Variants in SEMA3E observed in about 807,000 individuals in gnomAD.
The protein encoded by SEMA3E is semaphorin-3E.
Under a neutral mutation model 93.6 loss-of-function variants are expected in SEMA3E, and 49 were observed. The observed-to-expected ratio is 0.52, with a 90% CI of 0.42 to 0.66. The LOEUF (loss-of-function observed/expected upper bound fraction) is 0.66, where lower values mean the gene tolerates loss of function less well. Among genes scored for constraint, SEMA3E ranks in the 30% least tolerant of loss-of-function variants. The probability of loss-of-function intolerance (pLI) is 0.00; values close to 1 mark genes in which losing one functional copy is unlikely to be tolerated. For synonymous variants in SEMA3E, 363 were observed against 330.7 expected, an observed-to-expected ratio of 1.10 and a Z score of -1.06; for missense variants, 906 against 964.8, an observed-to-expected ratio of 0.94 and a Z score of 0.81.
At chr7:83,633,094 A>T (rs1011959070) in intron 1 of SEMA3E, among the ~76,000 whole-genome samples, 4 of 152,114 alleles carry the variant, frequency 2.6e-5, no homozygotes, top group Non-Finnish European at 4.4e-5. Context: ...TGCTAAATCC[A>T]TAGGTTGATT....
intron 1 of SEMA3E, among the ~76,000 whole-genome samples, chr7:83,561,641 T>G (rs551463586): frequency 6.6e-6 from 1 of 152,236 alleles, no homozygotes; most frequent in Non-Finnish European, 1.5e-5. Flanking sequence ...AACCAGCTGA[T>G]AGCATTTTCA....
At chr7:83,560,590 A>G (rs1261328636) in intron 1 of SEMA3E, among the ~76,000 whole-genome samples, 1 of 151,996 alleles carries the variant, frequency 6.6e-6, no homozygotes, top group Non-Finnish European at 1.5e-5. Context: ...CTTATTTCCT[A>G]TGCATGTGTG....
Position 83,648,840 on chromosome 7 carries a change from G to T in SEMA3E, c.-298C>A. 1 of 252,286 alleles carries T rather than the reference G, an allele frequency of 4.0e-6. No homozygotes were observed. Among genetic ancestry groups the T allele is most frequent in the Admixed American group, 5.3e-5 (1 of 18,946 alleles). 15.6% of individuals were successfully genotyped at this position (252,286 alleles called of 1,614,324 possible). A position where few individuals can be genotyped will look rare whatever the true frequency, so the allele number is the denominator to read the frequency against. On this transcript the variant is annotated 5_prime_UTR_variant, in exon 1 of 17. Transcript: ENST00000643230. Reference sequence around the variant, plus strand: ...GCAACTACGCCGGTAGATTCAGGAAGAAGCTGTATTTTTCAGTCACTTGGG... The same window carrying T: ...GCAACTACGCCGGTAGATTCAGGAATAAGCTGTATTTTTCAGTCACTTGGG...
chr7:83,439,820 T>C (rs1048215987), intron 4 of SEMA3E, among the ~76,000 whole-genome samples: 2 of 152,232 alleles, frequency 1.3e-5, no homozygotes, highest in Non-Finnish European at 2.9e-5. Flanking sequence ...TTTTCTTGCA[T>C]GATATTATGG....
Position 83,366,215 on chromosome 7 carries a change from C to T in SEMA3E, c.*1371G>A, listed in dbSNP as rs1442097530. 1 of 152,028 alleles carries T rather than the reference C, an allele frequency of 6.6e-6. No homozygotes were observed. The highest frequency in any genetic ancestry group is 2.4e-5 in the African/African-American group (1 of 41,430). 9.4% of individuals were successfully genotyped at this position (152,028 alleles called of 1,614,324 possible). A position where few individuals can be genotyped will look rare whatever the true frequency, so the allele number is the denominator to read the frequency against. On this transcript the variant is annotated 3_prime_UTR_variant, in exon 17 of 17. Coordinates refer to ENST00000643230, the MANE Select transcript of SEMA3E (RefSeq NM_012431.3). ...ATCTAAATAAATGTTCATAATGGTTCTCCTGTGTAATCCACTTGCTTTCAA... is the reference window on the plus strand; with the variant it reads ...ATCTAAATAAATGTTCATAATGGTTTTCCTGTGTAATCCACTTGCTTTCAA...
intron 1 of SEMA3E, among the ~76,000 whole-genome samples, chr7:83,507,355 G>T (rs758082408): frequency 6.6e-6 from 1 of 151,766 alleles, no homozygotes; most frequent in Non-Finnish European, 1.5e-5. Context: ...ACCCATTAAA[G>T]TGATGATATA....
chr7:83,375,011 G>T (rs547168835), intron 16 of SEMA3E, among the ~76,000 whole-genome samples: 1 of 152,004 alleles, frequency 6.6e-6, no homozygotes, highest in Non-Finnish European at 1.5e-5. Flanking sequence ...TGATTAATGC[G>T]GTTTGACAAC....
At chr7:83,383,005 C>A (rs950534051) in intron 16 of SEMA3E, among the ~76,000 whole-genome samples, 3 of 151,828 alleles carry the variant, frequency 2.0e-5, no homozygotes, top group African/African-American at 7.3e-5. Context: ...GAGTTTGAAT[C>A]TGAACAGGCA....
At chr7:83,619,900 T>C (rs201971841) in intron 1 of SEMA3E, among the ~76,000 whole-genome samples, 21 of 117,810 alleles carry the variant, frequency 1.8e-4, no homozygotes, top group East Asian at 5.0e-4. Flanking sequence ...GATAGATAGA[T>C]AGACAGATAG....
chr7:83,585,987 G>T (rs1267110799), intron 1 of SEMA3E, among the ~76,000 whole-genome samples: 1 of 152,096 alleles, frequency 6.6e-6, no homozygotes, highest in Non-Finnish European at 1.5e-5. Context: ...ATCAATAAAT[G>T]GTAACTTTGG....
At chr7:83,392,883 C>A (rs1414547069) in intron 13 of SEMA3E, among the ~76,000 whole-genome samples, 162 bp from the exon 14 acceptor site, 1 of 151,922 alleles carries the variant, frequency 6.6e-6, no homozygotes, top group African/African-American at 2.4e-5. Flanking sequence ...GCCTGCACAA[C>A]ATGGCAAAAC....
intron 1 of SEMA3E, among the ~76,000 whole-genome samples, chr7:83,606,204 T>C (rs1793114084): frequency 6.6e-6 from 1 of 152,220 alleles, no homozygotes; most frequent in African/African-American, 2.4e-5. Context: ...AGTCTTGGTT[T>C]ACAGAAGGAA....
intron 4 of SEMA3E, among the ~76,000 whole-genome samples, chr7:83,460,787 C>T (rs1484889301): frequency 1.3e-5 from 2 of 151,490 alleles, no homozygotes; most frequent in Non-Finnish European, 2.9e-5. Context: ...CGCCCCATCC[C>T]TTATTTCCGC....
At chr7:83,518,773 C>T (rs1005848805) in intron 1 of SEMA3E, among the ~76,000 whole-genome samples, 2 of 152,040 alleles carry the variant, frequency 1.3e-5, no homozygotes, top group African/African-American at 4.8e-5. Flanking sequence ...CAGAGTCTAG[C>T]TCACGCCTTC....
At chr7:83,643,920 G>A (rs1794046181) in intron 1 of SEMA3E, among the ~76,000 whole-genome samples, 1 of 151,920 alleles carries the variant, frequency 6.6e-6, no homozygotes, top group East Asian at 1.9e-4. Flanking sequence ...ACCCAGAGAT[G>A]TGTGACTAAT....
At chr7:83,550,544 T>C (rs1791744898) in intron 1 of SEMA3E, among the ~76,000 whole-genome samples, 1 of 152,138 alleles carries the variant, frequency 6.6e-6, no homozygotes, top group Admixed American at 6.6e-5. Context: ...AAATAATACA[T>C]TCTAAATGTA....
Position 83,446,666 on chromosome 7 carries a change from A to G in SEMA3E, c.456+19816T>C, listed in dbSNP as rs117146977. Reference sequence around the variant, plus strand: ...CGTTAAACTCTCTACGTGACCCTTCATAGTTTTACAAAGTGCATCAATATA... The same window carrying G: ...CGTTAAACTCTCTACGTGACCCTTCGTAGTTTTACAAAGTGCATCAATATA... On this transcript the variant is annotated intron_variant, in intron 4 of 16. Transcript: ENST00000643230. Among the ~76,000 whole-genome samples the G allele has an allele frequency of 6.2e-3, 942 of 152,208 alleles. 7 individuals carry two copies. Among genetic ancestry groups the G allele is most frequent in the South Asian group, 0.032 (153 of 4,822 alleles).
At chr7:83,431,103 A>AAAAG (rs200055476) in intron 4 of SEMA3E, among the ~76,000 whole-genome samples, 7,306 of 147,304 alleles carry the variant, frequency 0.05, 579 homozygotes, top group African/African-American at 0.17. Context: ...AGAAAAAAAA[A>AAAAG]AAAAGCCCAA....
At chr7:83,505,319 A>G (rs1338793631) in intron 1 of SEMA3E, among the ~76,000 whole-genome samples, 1 of 152,194 alleles carries the variant, frequency 6.6e-6, no homozygotes, top group East Asian at 1.9e-4. Context: ...AGAGGATCAG[A>G]CAATATAAAG....
Sources: gnomAD v4.1 joint callset for allele counts (sites outside exome capture counted in the v4.1 genomes callset) on GRCh38, gnomAD v4.1.1 for gene constraint, MANE v1.5 for transcripts, NCBI Gene and HGNC (gene_info 2026-07-23, HGNC 2026-07-21) for gene names.